Variants in TAFA1 observed in about 807,000 individuals in gnomAD.
TAFA1 encodes the protein chemokine-like protein TAFA-1.
TAFA1 carries 4 observed loss-of-function variants against 18.5 expected under a neutral mutation model. The ratio of observed to expected loss-of-function variants is 0.22; its 90% CI spans 0.11 to 0.49. TAFA1 has a LOEUF of 0.49. TAFA1 is among the 20% of genes least tolerant of loss of function. TAFA1 has a pLI of 0.98. For synonymous variants in TAFA1, 56 were observed against 55.2 expected (o/e 1.01, Z -0.06); for missense variants, 147 against 169.0 (o/e 0.87, Z 0.72).
intron 2 of TAFA1, among the ~76,000 whole-genome samples, chr3:68,289,894 G>A (rs1444579008): frequency 1.3e-5 from 2 of 152,160 alleles, no homozygotes; most frequent in African/African-American, 4.8e-5. Context: ...TCATTTAAGT[G>A]GAAATGAATG....
the TAFA1 span, among the ~76,000 whole-genome samples, chr3:67,998,142 A>G: frequency 6.6e-6 from 1 of 152,218 alleles, no homozygotes; most frequent in Non-Finnish European, 1.5e-5. Context: ...TGTTAGAAGT[A>G]TGTACACTTA....
intron 2 of TAFA1, among the ~76,000 whole-genome samples, chr3:68,026,477 T>A (rs1036195832): frequency 3.3e-5 from 5 of 152,144 alleles, no homozygotes; most frequent in African/African-American, 1.2e-4. Context: ...TCTGATGTAA[T>A]AATAATACCC....
At chr3:68,105,153 A>C (rs561918904) in intron 2 of TAFA1, among the ~76,000 whole-genome samples, 1 of 152,244 alleles carries the variant, frequency 6.6e-6, no homozygotes, top group East Asian at 1.9e-4. Context: ...TGTGAGAACA[A>C]CACCAAGCCA....
intron 2 of TAFA1, among the ~76,000 whole-genome samples, chr3:68,404,053 G>A (rs188153880): frequency 6.6e-6 from 1 of 152,312 alleles, no homozygotes; most frequent in Admixed American, 6.5e-5. Context: ...TCTTCCAAGT[G>A]CTTTCCCTGT....
At chr3:68,313,680 A>G (rs903986447) in intron 2 of TAFA1, among the ~76,000 whole-genome samples, 1 of 152,244 alleles carries the variant, frequency 6.6e-6, no homozygotes, top group African/African-American at 2.4e-5. Flanking sequence ...GGACAATGGT[A>G]TGCACCTCTC....
At chr3:68,493,495 T>A (rs1441554226) in intron 3 of TAFA1, among the ~76,000 whole-genome samples, 1 of 152,232 alleles carries the variant, frequency 6.6e-6, no homozygotes, top group Non-Finnish European at 1.5e-5. Flanking sequence ...TTTGTTTGGA[T>A]ATATTCCCAG....
At chr3:68,113,914 T>A (rs1326192122) in intron 2 of TAFA1, among the ~76,000 whole-genome samples, 2 of 133,246 alleles carry the variant, frequency 1.5e-5, no homozygotes, top group African/African-American at 5.4e-5. Context: ...TTTTTTTTTT[T>A]TTTTTTATGA....
chr3:68,353,014 A>G (rs528903813), intron 2 of TAFA1, among the ~76,000 whole-genome samples: 1 of 152,216 alleles, frequency 6.6e-6, no homozygotes, highest in East Asian at 1.9e-4. Flanking sequence ...CCACTATGCC[A>G]GGAAAATGGC....
intron 1 of TAFA1, chr3:68,006,090 A>T (rs1704351206): frequency 6.5e-6 from 1 of 153,586 alleles, no homozygotes; most frequent in Admixed American, 6.4e-5. Context: ...TCCAGTCAAA[A>T]GGATCAGTTC....
At chr3:68,456,485 T>G (rs2071668835) in intron 3 of TAFA1, among the ~76,000 whole-genome samples, 1 of 152,190 alleles carries the variant, frequency 6.6e-6, no homozygotes, top group Non-Finnish European at 1.5e-5. Context: ...TTAGCAGAAG[T>G]TGCTTCTCCT....
intron 2 of TAFA1, among the ~76,000 whole-genome samples, chr3:68,151,596 C>G (rs982619765): frequency 6.6e-5 from 10 of 152,242 alleles, no homozygotes; most frequent in Non-Finnish European, 1.3e-4. Context: ...AGCTTGAGAA[C>G]TGAGAAAAGG....
intron 4 of TAFA1, among the ~76,000 whole-genome samples, chr3:68,542,184 C>A (rs2073388432): frequency 1.3e-5 from 2 of 152,138 alleles, no homozygotes; most frequent in Admixed American, 1.3e-4. Flanking sequence ...AGGAAGTATT[C>A]ACCTTGAAAG....
intron 2 of TAFA1, among the ~76,000 whole-genome samples, chr3:68,253,522 C>T (rs1445048202): frequency 1.3e-5 from 2 of 152,162 alleles, no homozygotes; most frequent in Non-Finnish European, 2.9e-5. Flanking sequence ...TTGTGCACTA[C>T]TTACTGCATA....
Position 68,276,859 on chromosome 3 carries a change from A to T in TAFA1, c.119-140421A>T, listed in dbSNP as rs752554308. ...TATGTTAAAATCTGTAGAATAACAC[A>T]GTTCCACTTCATCAAGCTGTACCAT... On this transcript the variant is annotated intron_variant, in intron 2 of 4. Transcript: ENST00000478136. 7.9e-5 allele frequency among the ~76,000 whole-genome samples: 12 copies of T among 152,138 alleles called. 1 individual carries two copies.
At chr3:68,205,005 G>T (rs2066509422) in intron 2 of TAFA1, among the ~76,000 whole-genome samples, 1 of 151,468 alleles carries the variant, frequency 6.6e-6, no homozygotes, top group African/African-American at 2.4e-5. Context: ...TTGGCCAATT[G>T]CAGATCTACA....
chr3:68,067,986 C>T (rs2064703784), intron 2 of TAFA1, among the ~76,000 whole-genome samples: 1 of 152,194 alleles, frequency 6.6e-6, no homozygotes, highest in Non-Finnish European at 1.5e-5. Context: ...AAAAAAGTTA[C>T]TGTCGGCCTC....
intron 2 of TAFA1, among the ~76,000 whole-genome samples, chr3:68,200,065 T>C (rs2066454055): frequency 6.6e-6 from 1 of 151,628 alleles, no homozygotes; most frequent in Non-Finnish European, 1.5e-5. Flanking sequence ...TTGGATTTTA[T>C]TGAATGCTTT....
chr3:68,144,924 G>C (rs1254617509), intron 2 of TAFA1: 10 of 735,660 alleles, frequency 1.4e-5, no homozygotes, highest in Non-Finnish European at 2.5e-5. Flanking sequence ...TCATATCTTA[G>C]AGAGTTGTTG....
At chr3:68,156,126 G>A (rs568730353) in intron 2 of TAFA1, among the ~76,000 whole-genome samples, 5 of 152,212 alleles carry the variant, frequency 3.3e-5, no homozygotes, top group African/African-American at 4.8e-5. Context: ...ATACTAGCCC[G>A]GAACATGGTA....
Sources: allele counts gnomAD v4.1 joint callset (sites outside exome capture counted in the v4.1 genomes callset), GRCh38; gene constraint gnomAD v4.1.1; transcripts MANE v1.5; gene names NCBI Gene and HGNC (gene_info 2026-07-23, HGNC 2026-07-21).